The following LGSN variants were observed in gnomAD, a reference collection of about 807,000 sequenced individuals.
LGSN encodes the protein lengsin, lens protein with glutamine synthetase domain.
A neutral mutation model predicts 19.5 loss-of-function variants in LGSN; 21 were observed. The observed-to-expected ratio is 1.07, with a 90% CI of 0.76 to 1.55. The LOEUF (loss-of-function observed/expected upper bound fraction) is 1.55. LGSN is among the 40% of genes most tolerant of loss of function. The pLI, the probability that LGSN is intolerant of heterozygous loss-of-function variation, is 0.00. For missense variants in LGSN, 673 were observed against 608.5 expected (o/e 1.11, Z -1.12); for synonymous variants, 257 against 215.6 (o/e 1.19, Z -1.68).
In LGSN at chr6:63,281,086, G is replaced by A. The variant is rs141217825; in HGVS notation, c.465C>T (p.Thr155=). ...TGTCAGCCCATGGCAAAACTCTAAAGGTTGATAACTCTGGCATTAGGACTA... is the reference window on the plus strand; with the variant it reads ...TGTCAGCCCATGGCAAAACTCTAAAAGTTGATAACTCTGGCATTAGGACTA... ...SDIVLMPELS[T]FRVLPWADRT... is the part of the protein sequence containing the mutation. The change falls in exon 4 of 4, where the codon ACC becomes ACT. Residue 155 remains threonine, a synonymous_variant. Transcript: ENST00000370657. 269 of 1,613,724 alleles carry A rather than the reference G, an allele frequency of 1.7e-4. 1 individual carries two copies. The African/African-American group carries it at 3.1e-3, about 19-fold the overall frequency.
the LGSN span, among the ~76,000 whole-genome samples, chr6:63,459,447 A>C: frequency 1.3e-5 from 2 of 152,030 alleles, no homozygotes; most frequent in Non-Finnish European, 2.9e-5. Flanking sequence ...TCATTATAGG[A>C]TCTCACTATG....
At chr6:63,549,336 G>C in the LGSN span, 1 of 754,006 alleles carries the variant, frequency 1.3e-6, no homozygotes, top group Non-Finnish European at 2.4e-6. Context: ...GATATAGTGG[G>C]GGCCATTTCA....
At chr6:63,398,657 AT>A in the LGSN span, among the ~76,000 whole-genome samples, 2 of 152,148 alleles carry the variant, frequency 1.3e-5, no homozygotes, top group Admixed American at 6.5e-5. Context: ...GAAGAATACT[AT>A]TTTTTAAATA....
At chr6:63,384,917 C>G in the LGSN span, among the ~76,000 whole-genome samples, 1 of 152,160 alleles carries the variant, frequency 6.6e-6, no homozygotes, top group Non-Finnish European at 1.5e-5. Flanking sequence ...ACTATGGACA[C>G]TTGAAAAGAC....
intron 1 of LGSN, among the ~76,000 whole-genome samples, chr6:63,299,877 G>A (rs1768119023): frequency 6.6e-6 from 1 of 152,008 alleles, no homozygotes. Flanking sequence ...TGCTGTTTTT[G>A]CTATATGTTT....
the LGSN span, among the ~76,000 whole-genome samples, chr6:63,452,897 A>G: frequency 1.1e-4 from 16 of 151,596 alleles, no homozygotes; most frequent in African/African-American, 3.9e-4. Context: ...TTAATGTGAG[A>G]ACTTTCTTCT....
At chr6:63,485,050 C>T in the LGSN span, among the ~76,000 whole-genome samples, 1 of 150,984 alleles carries the variant, frequency 6.6e-6, no homozygotes. Flanking sequence ...TTTTTTTTTA[C>T]CTTTTAAGTT....
At chr6:63,354,997 G>A in the LGSN span, among the ~76,000 whole-genome samples, 1 of 152,148 alleles carries the variant, frequency 6.6e-6, no homozygotes, top group Admixed American at 6.6e-5. Flanking sequence ...ATGGGTGTGG[G>A]TGTGGGTGTA....
the LGSN span, among the ~76,000 whole-genome samples, chr6:63,428,247 C>G: frequency 6.6e-6 from 1 of 152,110 alleles, no homozygotes; most frequent in Non-Finnish European, 1.5e-5. Context: ...CAGTTTGCAT[C>G]CTCCTCCTTA....
the LGSN span, chr6:63,441,081 T>C: frequency 5.7e-6 from 1 of 173,992 alleles, no homozygotes. Flanking sequence ...TGGTGGTGCA[T>C]GCCTGTAATT....
the LGSN span, among the ~76,000 whole-genome samples, chr6:63,436,018 T>C: frequency 2.6e-5 from 4 of 152,148 alleles, no homozygotes; most frequent in Non-Finnish European, 5.9e-5. Flanking sequence ...TTTTGTGTTT[T>C]TTTAAATCCT....
the LGSN span, among the ~76,000 whole-genome samples, chr6:63,526,124 A>G: frequency 6.6e-6 from 1 of 152,132 alleles, no homozygotes; most frequent in African/African-American, 2.4e-5. Context: ...CAGGAGTTCA[A>G]GACCAGCCTG....
chr6:63,371,427 G>A, the LGSN span, among the ~76,000 whole-genome samples: 2 of 152,176 alleles, frequency 1.3e-5, no homozygotes, highest in Non-Finnish European at 2.9e-5. Context: ...AGAACAATTA[G>A]AAGTTTCCAC....
chr6:63,442,825 G>A, the LGSN span, among the ~76,000 whole-genome samples: 144 of 152,342 alleles, frequency 9.5e-4, no homozygotes, highest in Non-Finnish European at 1.8e-3. Context: ...GCTGATTGGT[G>A]CATATACAAT....
chr6:63,395,037 A>G, the LGSN span: 169 of 157,556 alleles, frequency 1.1e-3, 3 homozygotes, highest in South Asian at 0.028. Flanking sequence ...TGGGTCCCTC[A>G]GGACTCCAAG....
chr6:63,335,191 A>G, the LGSN span, among the ~76,000 whole-genome samples: 9 of 151,880 alleles, frequency 5.9e-5, no homozygotes, highest in Non-Finnish European at 8.8e-5. Context: ...TCTCTTTGAT[A>G]GTTGGTGCTG....
chr6:63,404,283 T>C, the LGSN span, among the ~76,000 whole-genome samples: 1 of 152,100 alleles, frequency 6.6e-6, no homozygotes, highest in Non-Finnish European at 1.5e-5. Context: ...TGGGCAACTT[T>C]GATAAAAATG....
chr6:63,326,225 G>A, the LGSN span, among the ~76,000 whole-genome samples: 11 of 151,500 alleles, frequency 7.3e-5, no homozygotes, highest in East Asian at 5.8e-4. Flanking sequence ...ATACAGTGCC[G>A]ACTGGTATAT....
the LGSN span, among the ~76,000 whole-genome samples, chr6:63,452,933 T>C: frequency 6.6e-5 from 10 of 152,264 alleles, no homozygotes; most frequent in African/African-American, 1.9e-4. Context: ...TTTAATGTTA[T>C]AACTTTCCAA....
Sources: gnomAD v4.1 joint callset for allele counts (sites outside exome capture counted in the v4.1 genomes callset) on GRCh38, gnomAD v4.1.1 for gene constraint, MANE v1.5 for transcripts, NCBI Gene and HGNC (gene_info 2026-07-23, HGNC 2026-07-21) for gene names.